PTPRT: variants seen among roughly 807,000 people sequenced by gnomAD.
PTPRT encodes protein tyrosine phosphatase receptor type T, also known as receptor-type tyrosine-protein phosphatase T.
PTPRT carries 56 observed loss-of-function variants against 176.8 expected under a neutral mutation model. The observed-to-expected ratio is 0.32, with a 90% CI of 0.26 to 0.40. The LOEUF (loss-of-function observed/expected upper bound fraction) is 0.40, where lower values mean the gene tolerates loss of function less well. Ranked by LOEUF, PTPRT falls within the 10% of genes least tolerant of loss-of-function variation. The pLI is 1.00. For synonymous variants in PTPRT, 783 were observed against 739.0 expected, an observed-to-expected ratio of 1.06 and a Z score of -0.96; for missense variants, 1,540 against 1,908.2, an observed-to-expected ratio of 0.81 and a Z score of 3.60.
intron 1 of PTPRT, among the ~76,000 whole-genome samples, chr20:42,894,331 C>A (rs1223436875): frequency 6.6e-6 from 1 of 152,072 alleles, no homozygotes; most frequent in Non-Finnish European, 1.5e-5. Context: ...GTCAAAGAGA[C>A]GGGGACAGAA....
At chr20:42,552,012 G>A (rs879334566) in intron 7 of PTPRT, among the ~76,000 whole-genome samples, 1 of 152,112 alleles carries the variant, frequency 6.6e-6, no homozygotes, top group African/African-American at 2.4e-5. Context: ...CACCAACTTT[G>A]CTGTGCATCA....
chr20:42,108,070 A>C (rs897157976), intron 23 of PTPRT, among the ~76,000 whole-genome samples: 1 of 152,048 alleles, frequency 6.6e-6, no homozygotes, highest in Non-Finnish European at 1.5e-5. Flanking sequence ...TTTTTCTTCA[A>C]TGTTCATATT....
intron 5 of PTPRT, among the ~76,000 whole-genome samples, chr20:42,766,647 G>A (rs562234034): frequency 7.9e-5 from 12 of 152,280 alleles, no homozygotes; most frequent in Admixed American, 7.8e-4. Context: ...CCACTCTACA[G>A]AAAAGAGGGC....
In PTPRT at chr20:42,102,154, G is replaced by C. The variant is rs775769430; in HGVS notation, c.3684C>G (p.Ser1228=). 1.3e-5 allele frequency: 21 copies of C among 1,614,008 alleles called. No homozygotes were observed. In the East Asian group the frequency reaches 4.7e-4, roughly 36 times the overall value. The change falls in exon 26 of 31, where the codon TCC becomes TCG. Residue 1228 remains serine, a synonymous_variant. Coordinates refer to ENST00000373187, the MANE Select transcript of PTPRT (RefSeq NM_007050.6). ...LPFLISVDGE[S]SNYINAALMD... The stretch of plus-strand genomic sequence containing the variant: ...TCAGTGCTGCGTTGATGTAATTGCT[G>C]GATTCTCCGTCCACTGAGATAAGGA...
At chr20:42,476,434 A>G (rs2071290592) in intron 7 of PTPRT, among the ~76,000 whole-genome samples, 1 of 152,164 alleles carries the variant, frequency 6.6e-6, no homozygotes, top group African/African-American at 2.4e-5. Context: ...CTGTGCCTGG[A>G]TCTCCTGTGG....
At position 42,973,165 on chromosome 20, in the gene PTPRT, GT is replaced by G. The variant is rs373105807; in HGVS notation, c.89-87234del. Among the ~76,000 whole-genome samples the G allele has an allele frequency of 6.6e-4, 101 of 152,032 alleles. 2 individuals are homozygous for G. In the East Asian group the frequency reaches 0.015, roughly 23 times the overall value. ...AATACCTTTCAGGGTGGAGCCAAGA[GT>G]GTGAGAGGGAGAAAGGAAGAATGAG... is the stretch of plus-strand genomic sequence containing the variant. On this transcript the variant is annotated intron_variant, in intron 1 of 30. Transcript: ENST00000373187.
At chr20:42,068,118 A>G (rs111929722), downstream of PTPRT, among the ~76,000 whole-genome samples, 16 of 152,262 alleles carry the variant, frequency 1.1e-4, no homozygotes, top group African/African-American at 3.9e-4. Flanking sequence ...CCTATCAGTC[A>G]AAGATTTCAT....
intron 18 of PTPRT, among the ~76,000 whole-genome samples, chr20:42,141,023 G>A (rs1474259902): frequency 6.6e-6 from 1 of 152,134 alleles, no homozygotes; most frequent in South Asian, 2.1e-4. Flanking sequence ...GACTCCCGAG[G>A]GCGCTAACTA....
chr20:42,267,794 T>G (rs553077240), intron 13 of PTPRT, among the ~76,000 whole-genome samples: 1 of 152,292 alleles, frequency 6.6e-6, no homozygotes, highest in South Asian at 2.1e-4. Context: ...CCTTGAAGGA[T>G]TAGCCAATAA....
At chr20:42,739,035 A>G (rs2076572577) in intron 6 of PTPRT, among the ~76,000 whole-genome samples, 1 of 152,180 alleles carries the variant, frequency 6.6e-6, no homozygotes, top group African/African-American at 2.4e-5. Flanking sequence ...GCCACAGCCT[A>G]GGCGACAGAG....
intron 7 of PTPRT, among the ~76,000 whole-genome samples, chr20:42,616,817 A>T (rs1209248932): frequency 7.3e-6 from 1 of 137,364 alleles, no homozygotes; most frequent in Admixed American, 7.0e-5. Flanking sequence ...GAAGTTGCTT[A>T]ACAGCTTAAG....
chr20:42,783,659 C>T (rs542574720), intron 3 of PTPRT, among the ~76,000 whole-genome samples: 27 of 152,130 alleles, frequency 1.8e-4, no homozygotes, highest in Non-Finnish European at 3.5e-4. Flanking sequence ...CAAGGTGATG[C>T]CTGGACCCTC....
intron 11 of PTPRT, among the ~76,000 whole-genome samples, chr20:42,331,435 A>G (rs780757630): frequency 6.0e-4 from 91 of 151,672 alleles, no homozygotes; most frequent in Non-Finnish European, 1.2e-3. Flanking sequence ...TTTTTTTTAA[A>G]TATAATACCA....
At chr20:42,494,687 A>G (rs754986120) in intron 7 of PTPRT, among the ~76,000 whole-genome samples, 2 of 152,098 alleles carry the variant, frequency 1.3e-5, no homozygotes, top group Non-Finnish European at 2.9e-5. Flanking sequence ...AGCCTGAAAA[A>G]TTAATTGTAC....
chr20:42,742,662 C>T (rs923353445), intron 6 of PTPRT, among the ~76,000 whole-genome samples: 3 of 152,070 alleles, frequency 2.0e-5, no homozygotes, highest in African/African-American at 7.2e-5. Flanking sequence ...GCTTGTGTGC[C>T]CAGAAGGAAA....
chr20:42,276,242 C>A (rs956023391), intron 13 of PTPRT, among the ~76,000 whole-genome samples: 2 of 151,716 alleles, frequency 1.3e-5, no homozygotes, highest in East Asian at 1.9e-4. Flanking sequence ...CATCTAGAGA[C>A]AACAACCTAT....
At chr20:42,379,344 C>T (rs1458644134) in intron 9 of PTPRT, among the ~76,000 whole-genome samples, 3 of 152,190 alleles carry the variant, frequency 2.0e-5, no homozygotes, top group African/African-American at 7.2e-5. Flanking sequence ...TATTCATTTC[C>T]CTGCAGCAAT....
chr20:42,980,301 C>T lies in PTPRT; in HGVS notation c.89-94369G>A, dbSNP rs930011534. Among the ~76,000 whole-genome samples, 4 of 152,100 alleles carry T rather than the reference C, an allele frequency of 2.6e-5. No homozygotes were observed. In the East Asian group the frequency reaches 7.7e-4, roughly 29 times the overall value. Reference sequence around the variant, plus strand: ...AGAACTCAGCATTGGGAATTGGGAGCCTGGGGTACAAACATAGATCCAACA... The same window carrying T: ...AGAACTCAGCATTGGGAATTGGGAGTCTGGGGTACAAACATAGATCCAACA... On this transcript the variant is annotated intron_variant, in intron 1 of 30. Transcript: ENST00000373187.
At chr20:42,189,691 C>T (rs946062748) in intron 16 of PTPRT, among the ~76,000 whole-genome samples, 29 of 152,246 alleles carry the variant, frequency 1.9e-4, no homozygotes, top group African/African-American at 5.3e-4. Context: ...AAAACTAGAA[C>T]GGTCGTGTCC....
Sources: allele counts gnomAD v4.1 joint callset (sites outside exome capture counted in the v4.1 genomes callset), GRCh38; gene constraint gnomAD v4.1.1; transcripts MANE v1.5; gene names NCBI Gene and HGNC (gene_info 2026-07-23, HGNC 2026-07-21).